The following TULP4 variants were observed in gnomAD, a reference collection of about 807,000 sequenced individuals.
TULP4 encodes the protein TUB like protein 4.
A neutral mutation model predicts 129.0 loss-of-function variants in TULP4; 16 were observed. The ratio of observed to expected loss-of-function variants is 0.12; its 90% CI spans 0.08 to 0.19. The LOEUF is 0.19. TULP4 is among the 10% of genes least tolerant of loss of function. TULP4 has a pLI of 1.00. For missense variants in TULP4, 1,842 were observed against 2,059.1 expected (o/e 0.89, Z 2.04); for synonymous variants, 998 against 854.0 (o/e 1.17, Z -2.94).
At chr6:158,466,300 G>A (rs545272446) in intron 6 of TULP4, among the ~76,000 whole-genome samples, 11 of 152,244 alleles carry the variant, frequency 7.2e-5, no homozygotes, top group South Asian at 4.1e-4. Flanking sequence ...GTTTACAAGC[G>A]GCACCATTTT....
chr6:158,327,671 C>CA (rs1779774596), intron 1 of TULP4, among the ~76,000 whole-genome samples: 1 of 81,924 alleles, frequency 1.2e-5, no homozygotes, highest in Non-Finnish European at 2.5e-5. Flanking sequence ...TGGTTTTAAA[C>CA]AATTTTTTTT....
intron 6 of TULP4, among the ~76,000 whole-genome samples, chr6:158,472,287 G>A (rs1279069103): frequency 6.6e-6 from 1 of 152,144 alleles, no homozygotes; most frequent in Non-Finnish European, 1.5e-5. Flanking sequence ...GTTCTCATCA[G>A]CCATCACATG....
At chr6:158,381,157 G>GGT (rs1554285902) in intron 1 of TULP4, among the ~76,000 whole-genome samples, 6 of 147,776 alleles carry the variant, frequency 4.1e-5, no homozygotes, top group African/African-American at 1.5e-4. Context: ...GTGCTTTATG[G>GGT]TTGTTTTTTT....
At chr6:158,506,287 A>C (rs1017930984) in intron 13 of TULP4, among the ~76,000 whole-genome samples, 1 of 117,918 alleles carries the variant, frequency 8.5e-6, no homozygotes, top group African/African-American at 3.4e-5. Context: ...GCTGGAGTGC[A>C]GTGGCCCAAT....
chr6:158,490,378 GC>G (rs1447183151), intron 9 of TULP4, among the ~76,000 whole-genome samples: 1 of 152,162 alleles, frequency 6.6e-6, no homozygotes. Context: ...TGGCAATAGA[GC>G]AAGACTGCAC....
chr6:158,407,559 C>T (rs1777998357), intron 1 of TULP4, among the ~76,000 whole-genome samples: 2 of 151,932 alleles, frequency 1.3e-5, no homozygotes, highest in African/African-American at 2.4e-5. Context: ...AAAACTTGCA[C>T]ACAAAAGTTC....
rs1169601263 is a variant in TULP4 at position 158,332,169 on chromosome 6, C to CAAAA, written c.252+17930_252+17933dup. Among the ~76,000 whole-genome samples, 25 of 65,256 alleles carry CAAAA rather than the reference C, an allele frequency of 3.8e-4. 1 individual carries two copies. The highest frequency in any genetic ancestry group is 5.3e-4 in the African/African-American group (6 of 11,426). The allele number at this position is 65,256 out of a possible 152,430, so 42.8% of individuals were successfully genotyped here. On this transcript the variant is annotated intron_variant, in intron 1 of 13. Coordinates refer to ENST00000367097, the MANE Select transcript of TULP4 (RefSeq NM_020245.5). ...CCTGGTCGACAGAGTAAGACTCTGT[C>CAAAA]AAAAAAAAAAAAAAAAAAAAAAAAA...
intron 1 of TULP4, among the ~76,000 whole-genome samples, chr6:158,412,320 T>C (rs1778114808): frequency 6.6e-6 from 1 of 152,174 alleles, no homozygotes; most frequent in African/African-American, 2.4e-5. Context: ...CGGGGACCAT[T>C]CCATAACCCT....
chr6:158,274,731 T>C (rs868703582), intron 1 of TULP4, among the ~76,000 whole-genome samples: 12 of 151,834 alleles, frequency 7.9e-5, no homozygotes, highest in Non-Finnish European at 1.5e-5. Flanking sequence ...GAGCCGAGAT[T>C]GCGCCCCTGC....
intron 1 of TULP4, among the ~76,000 whole-genome samples, chr6:158,305,317 CTG>C (rs1310324923): frequency 8.6e-6 from 1 of 115,902 alleles, no homozygotes; most frequent in African/African-American, 3.3e-5. Flanking sequence ...ATATTTCATT[CTG>C]TGTGCGTGTG....
intron 1 of TULP4, among the ~76,000 whole-genome samples, chr6:158,295,077 G>A (rs910870722): frequency 6.6e-6 from 1 of 152,102 alleles, no homozygotes; most frequent in African/African-American, 2.4e-5. Flanking sequence ...TAGGGTGTTT[G>A]CATATTTTAT....
At chr6:158,307,802 A>G (rs1420909649), upstream of TULP4, among the ~76,000 whole-genome samples, 2 of 152,112 alleles carry the variant, frequency 1.3e-5, no homozygotes, top group African/African-American at 4.8e-5. Context: ...TTTGTTGGTC[A>G]TTTGGAAAAT....
chr6:158,391,590 G>C (rs767444365), intron 1 of TULP4, among the ~76,000 whole-genome samples: 1 of 152,134 alleles, frequency 6.6e-6, no homozygotes, highest in African/African-American at 2.4e-5. Context: ...AGTCTGAGTG[G>C]CAGGGGCTTT....
chr6:158,423,509 A>G (rs1272564421), intron 2 of TULP4, among the ~76,000 whole-genome samples: 2 of 152,256 alleles, frequency 1.3e-5, no homozygotes, highest in Non-Finnish European at 2.9e-5. Flanking sequence ...TTTGATCATT[A>G]TACTATGTAT....
intron 1 of TULP4, among the ~76,000 whole-genome samples, chr6:158,273,940 T>A (rs1778594076): frequency 6.6e-6 from 1 of 152,200 alleles, no homozygotes; most frequent in African/African-American, 2.4e-5. Context: ...GAGATTAAGT[T>A]ACTTGCTCCA....
At chr6:158,430,832 A>G (rs1009978300) in intron 3 of TULP4, among the ~76,000 whole-genome samples, 2 of 152,246 alleles carry the variant, frequency 1.3e-5, no homozygotes, top group Non-Finnish European at 2.9e-5. Context: ...AGCAGAATAC[A>G]TATAATGCCA....
At chr6:158,272,138 G>C (rs59209704) in intron 1 of TULP4, among the ~76,000 whole-genome samples, 128 of 152,284 alleles carry the variant, frequency 8.4e-4, no homozygotes, top group African/African-American at 2.9e-3. Flanking sequence ...GACAGGTAGA[G>C]GAGAAAGCCT....
chr6:158,370,332 C>A (rs982955943), intron 1 of TULP4, among the ~76,000 whole-genome samples: 9 of 151,876 alleles, frequency 5.9e-5, no homozygotes, highest in Non-Finnish European at 8.8e-5. Flanking sequence ...TGGCAGGCAC[C>A]TGTAATCCCA....
At chr6:158,267,973 T>A (rs1778478286) in intron 1 of TULP4, among the ~76,000 whole-genome samples, 2 of 151,826 alleles carry the variant, frequency 1.3e-5, no homozygotes. Context: ...TTTTTAAAAT[T>A]TTTTTTTGTT....
Sources: allele counts gnomAD v4.1 joint callset (sites outside exome capture counted in the v4.1 genomes callset), GRCh38; gene constraint gnomAD v4.1.1; transcripts MANE v1.5; gene names NCBI Gene and HGNC (gene_info 2026-07-23, HGNC 2026-07-21).